Variants in BCORL1 observed in about 807,000 individuals in gnomAD.
BCORL1 encodes BCL-6 corepressor-like protein 1.
A neutral mutation model predicts 87.6 loss-of-function variants in BCORL1; 7 were observed. The observed-to-expected ratio is 0.08, with a 90% CI of 0.05 to 0.15. BCORL1 has a LOEUF of 0.15. BCORL1 is among the 10% of genes least tolerant of loss of function. The pLI, the probability that BCORL1 is intolerant of heterozygous loss-of-function variation, is 1.00. For missense variants in BCORL1, 1,215 were observed against 1,499.7 expected (o/e 0.81, Z 3.13); for synonymous variants, 591 against 634.4 (o/e 0.93, Z 1.03).
intron 1 of BCORL1, among the ~76,000 whole-genome samples, chrX:129,991,813 A>C (rs1333166684): frequency 2.0e-5 from 2 of 98,394 alleles, no homozygotes; most frequent in African/African-American, 8.1e-5. Context: ...GCCCGCCACC[A>C]TGCCCAGCTA....
At chrX:129,997,464 G>A (rs1195682100) in intron 1 of BCORL1, among the ~76,000 whole-genome samples, 4 of 110,691 alleles carry the variant, frequency 3.6e-5, no homozygotes, top group African/African-American at 9.9e-5. Context: ...TCCACTACCC[G>A]CTCGCCCTCA....
intron 9 of BCORL1, among the ~76,000 whole-genome samples, chrX:130,035,443 T>C (rs772555948): frequency 8.9e-6 from 1 of 112,308 alleles, no homozygotes; most frequent in African/African-American, 3.2e-5. Context: ...TGAGTGTGTA[T>C]CTTTGCCTAC....
At chrX:130,010,000 G>A (rs1928824827) in intron 2 of BCORL1, among the ~76,000 whole-genome samples, 2 of 111,741 alleles carry the variant, frequency 1.8e-5, no homozygotes, top group African/African-American at 3.3e-5. Flanking sequence ...TTTGAAACAC[G>A]GCTGCATGAC....
intron 1 of BCORL1, among the ~76,000 whole-genome samples, chrX:129,987,936 A>G (rs1341138055): frequency 8.9e-6 from 1 of 111,936 alleles, no homozygotes; most frequent in African/African-American, 3.3e-5. Flanking sequence ...TGCTGGAGAA[A>G]GTGACACAAT....
intron 12 of BCORL1, among the ~76,000 whole-genome samples, chrX:130,051,367 T>C (rs754796085): frequency 8.9e-6 from 1 of 112,667 alleles, no homozygotes; most frequent in Non-Finnish European, 1.9e-5. Flanking sequence ...TGGGGGAAGC[T>C]GGAGGGGAGA....
At chrX:129,991,061 G>A (rs781765412) in intron 1 of BCORL1, among the ~76,000 whole-genome samples, 36 of 111,498 alleles carry the variant, frequency 3.2e-4, no homozygotes, top group Non-Finnish European at 5.3e-4. Flanking sequence ...TCAGCCTCCC[G>A]TGTAGCTGGG....
At chrX:130,026,162 C>CT (rs760328246) in intron 7 of BCORL1, among the ~76,000 whole-genome samples, 1 of 112,041 alleles carries the variant, frequency 8.9e-6, no homozygotes, top group Non-Finnish European at 1.9e-5. Flanking sequence ...AAGAACACCT[C>CT]TGTCTCTCAC....
chrX:130,020,882 A>C, intron 4 of BCORL1, 103 bp from the exon 5 acceptor site: 1 of 910,764 alleles, frequency 1.1e-6, no homozygotes, highest in South Asian at 3.2e-5. Flanking sequence ...CACTCTGGGC[A>C]GCTCATGCCT....
chrX:129,983,900 G>C (rs1025284064), intron 1 of BCORL1, among the ~76,000 whole-genome samples: 1 of 110,026 alleles, frequency 9.1e-6, no homozygotes, highest in Admixed American at 9.4e-5. Context: ...CCGGTTACGG[G>C]GCCGGGTTTC....
intron 2 of BCORL1, among the ~76,000 whole-genome samples, chrX:130,008,840 T>C (rs1350094093): frequency 8.9e-6 from 1 of 112,379 alleles, no homozygotes; most frequent in Non-Finnish European, 1.9e-5. Context: ...ACAGGAGGCA[T>C]GGGCTTGCGG....
Position 130,021,120 on chromosome X carries a change from C to T in BCORL1, c.3577C>T (p.Pro1193Ser). The T allele has an allele frequency of 1.7e-6, 2 of 1,201,228 alleles. No individual in the cohort carries two copies. The highest frequency in any genetic ancestry group is 2.2e-6 in the Non-Finnish European group (2 of 891,292). ...RKPTKPESQS[P>S]GKRADSHEEG... Reference sequence around the variant, plus strand: ...GCCGACAAAGCCGGAGTCCCAGTCTCCAGGAAAACGAGCCGACAGCCACGA... The same window carrying T: ...GCCGACAAAGCCGGAGTCCCAGTCTTCAGGAAAACGAGCCGACAGCCACGA... The change falls in exon 5 of 14, where the codon CCA becomes TCA. Residue 1193 changes from proline to serine, a missense_variant. This residue lies in a region of BCORL1 where 861 missense variants were observed against 1,010.0 expected (regional missense o/e 0.85). Transcript: ENST00000540052.
intron 9 of BCORL1, among the ~76,000 whole-genome samples, chrX:130,037,139 G>A (rs931927120): frequency 9.1e-6 from 1 of 109,799 alleles, no homozygotes; most frequent in Non-Finnish European, 1.9e-5. Flanking sequence ...GAGTGAGACT[G>A]TCTCAAAAAA....
intron 5 of BCORL1, chrX:130,021,392 C>A: frequency 2.1e-6 from 1 of 470,367 alleles, no homozygotes; most frequent in Non-Finnish European, 2.6e-6. Flanking sequence ...CCGACACAAA[C>A]ACCAGGCCCA....
At chrX:129,986,853 A>G (rs1250528308) in intron 1 of BCORL1, among the ~76,000 whole-genome samples, 2 of 111,678 alleles carry the variant, frequency 1.8e-5, no homozygotes, top group South Asian at 3.6e-4. Flanking sequence ...AAACAAAAAA[A>G]GAAAAAAGAA....
intron 10 of BCORL1, 23 bp from the exon 11 acceptor site, chrX:130,039,114 C>T: frequency 8.3e-7 from 1 of 1,209,337 alleles, no homozygotes; most frequent in Non-Finnish European, 1.1e-6. Context: ...CCCTGTTATC[C>T]TCACCCTGTA....
At chrX:130,019,386 G>T (rs1236323686) in intron 4 of BCORL1, among the ~76,000 whole-genome samples, 2 of 112,662 alleles carry the variant, frequency 1.8e-5, no homozygotes, top group Non-Finnish European at 3.7e-5. Flanking sequence ...ATGTGCATTT[G>T]ACTTTATTCC....
At chrX:130,017,090 T>A (rs759599576) in intron 4 of BCORL1, among the ~76,000 whole-genome samples, 1 of 112,188 alleles carries the variant, frequency 8.9e-6, no homozygotes, top group Non-Finnish European at 1.9e-5. Context: ...CACAAGTTTA[T>A]GGTCTTTTTT....
At chrX:130,043,719 C>T (rs1366506436) in intron 11 of BCORL1, among the ~76,000 whole-genome samples, 16 of 91,095 alleles carry the variant, frequency 1.8e-4, no homozygotes, top group African/African-American at 5.4e-4. Context: ...GGACTACAGG[C>T]GCCCGCCACC....
chrX:130,012,346 G>A (rs1929038174), intron 2 of BCORL1, among the ~76,000 whole-genome samples: 1 of 111,298 alleles, frequency 9.0e-6, no homozygotes, highest in Non-Finnish European at 1.9e-5. Context: ...AGTCCAAAGA[G>A]GGGGGTCTAG....
Sources: allele counts gnomAD v4.1 joint callset (sites outside exome capture counted in the v4.1 genomes callset), GRCh38; gene constraint gnomAD v4.1.1; regional missense constraint gnomAD v4.1.1; transcripts MANE v1.5; gene names NCBI Gene and HGNC (gene_info 2026-07-23, HGNC 2026-07-21).